C1orf21: variants seen among roughly 807,000 people sequenced by gnomAD.
C1orf21 encodes chromosome 1 open reading frame 21.
A neutral mutation model predicts 18.7 loss-of-function variants in C1orf21; 3 were observed. The ratio of observed to expected loss-of-function variants is 0.16; its 90% CI spans 0.07 to 0.42. The LOEUF (loss-of-function observed/expected upper bound fraction) is 0.42, where lower values mean the gene tolerates loss of function less well. C1orf21 is among the 10% of genes least tolerant of loss of function. The pLI is 0.99. For synonymous variants in C1orf21, 41 were observed against 46.4 expected, an observed-to-expected ratio of 0.88 and a Z score of 0.47; for missense variants, 104 against 143.6, an observed-to-expected ratio of 0.72 and a Z score of 1.41.
At position 184,570,343 on chromosome 1, in the gene C1orf21, ATATGTT is replaced by A. The variant is rs374321147; in HGVS notation, c.190-20387_190-20382del. Among the ~76,000 whole-genome samples the A allele has an allele frequency of 7.3e-3, 1,110 of 152,244 alleles. 18 individuals are homozygous for A. The highest frequency in any genetic ancestry group is 0.023 in the African/African-American group (944 of 41,526). ...TGTTAAATATGCTGAAATGTGTTAA[ATATGTT>A]TATGTTTAATTGTTAAATATGTTTA... is the stretch of plus-strand genomic sequence containing the variant. On this transcript the variant is annotated intron_variant, in intron 3 of 5. Transcript: ENST00000235307.
intron 2 of C1orf21, among the ~76,000 whole-genome samples, chr1:184,483,679 C>T (rs1657689538): frequency 6.6e-6 from 1 of 152,180 alleles, no homozygotes; most frequent in African/African-American, 2.4e-5. Context: ...CAGGAGGAAT[C>T]TCCTGTTAAC....
intron 1 of C1orf21, among the ~76,000 whole-genome samples, chr1:184,466,215 G>A (rs974142222): frequency 6.6e-6 from 1 of 152,200 alleles, no homozygotes; most frequent in Non-Finnish European, 1.5e-5. Flanking sequence ...CTGAAGAAGG[G>A]CATCAAGGTT....
At position 184,620,497 on chromosome 1, in the gene C1orf21, C is replaced by T. The variant is rs765952729; in HGVS notation, c.*941C>T. The stretch of plus-strand genomic sequence containing the variant: ...GAAAGTGGTCTAAGAGGTGAGGGGA[C>T]ATCCTATGACTTTTTAGGAAGGCCT... On this transcript the variant is annotated 3_prime_UTR_variant, in exon 6 of 6. Transcript: ENST00000235307. 2.6e-5 allele frequency: 4 copies of T among 152,552 alleles called. No homozygotes were observed. Among genetic ancestry groups the T allele is most frequent in the Non-Finnish European group, 4.4e-5 (3 of 68,032 alleles). 9.4% of individuals were successfully genotyped at this position (152,552 alleles called of 1,614,324 possible).
chr1:184,619,682 T>G lies in C1orf21; in HGVS notation c.*126T>G. ...ATAGCAAAAGAAGATCGTTCCATAT[T>G]GTACGCCCCATTAAATTACAGTGTT... is the stretch of plus-strand genomic sequence containing the variant. On this transcript the variant is annotated 3_prime_UTR_variant, in exon 6 of 6. Coordinates refer to ENST00000235307, the MANE Select transcript of C1orf21 (RefSeq NM_030806.4). 1 of 725,622 alleles carries G rather than the reference T, an allele frequency of 1.4e-6. No individual in the cohort carries two copies. Among genetic ancestry groups the G allele is most frequent in the Non-Finnish European group, 2.2e-6 (1 of 452,390 alleles). The allele number at this position is 725,622 out of a possible 1,614,324, so 44.9% of individuals were successfully genotyped here.
chr1:184,511,020 A>G (rs1223741471), intron 3 of C1orf21, among the ~76,000 whole-genome samples: 1 of 152,208 alleles, frequency 6.6e-6, no homozygotes, highest in Non-Finnish European at 1.5e-5. Flanking sequence ...CCAATGAATC[A>G]GGAGATGGTA....
chr1:184,474,278 C>A (rs1657538056), intron 1 of C1orf21, among the ~76,000 whole-genome samples: 1 of 152,074 alleles, frequency 6.6e-6, no homozygotes. Context: ...AGCTATAGTG[C>A]TTTAAAATAT....
chr1:184,611,967 C>G (rs931141909), intron 5 of C1orf21, among the ~76,000 whole-genome samples: 3 of 152,088 alleles, frequency 2.0e-5, no homozygotes, highest in Non-Finnish European at 4.4e-5. Context: ...TGTCATTTAT[C>G]ATGTAACCAA....
chr1:184,614,518 AC>A (rs1464610267), intron 5 of C1orf21, among the ~76,000 whole-genome samples: 1 of 115,256 alleles, frequency 8.7e-6, no homozygotes, highest in Non-Finnish European at 1.7e-5. Flanking sequence ...GCAGTCCCCA[AC>A]CTTTCTGGCA....
At chr1:184,498,989 A>T (rs915731245) in intron 2 of C1orf21, among the ~76,000 whole-genome samples, 5 of 152,194 alleles carry the variant, frequency 3.3e-5, no homozygotes, top group African/African-American at 1.2e-4. Flanking sequence ...GTTCCACTTC[A>T]TAAAGCTGTT....
At chr1:184,519,679 A>G (rs1658278605) in intron 3 of C1orf21, among the ~76,000 whole-genome samples, 1 of 152,218 alleles carries the variant, frequency 6.6e-6, no homozygotes, top group South Asian at 2.1e-4. Flanking sequence ...GCTAAAAATA[A>G]AACCACAGCA....
rs138969267 is a variant in C1orf21 at position 184,546,823 on chromosome 1, A to G, written c.189+39141A>G. Among the ~76,000 whole-genome samples the G allele has an allele frequency of 2.6e-3, 399 of 152,318 alleles. 1 individual carries two copies. Among genetic ancestry groups the G allele is most frequent in the Middle Eastern group, 0.014 (4 of 294 alleles). ...TTTTCCAGTTCACATAAAGGACTGG[A>G]AAAAGTGTCCAGCTGGACAAAGCCC... On this transcript the variant is annotated intron_variant, in intron 3 of 5. Coordinates refer to ENST00000235307, the MANE Select transcript of C1orf21 (RefSeq NM_030806.4).
chr1:184,453,368 G>A (rs975777293), intron 1 of C1orf21, among the ~76,000 whole-genome samples: 1 of 152,132 alleles, frequency 6.6e-6, no homozygotes, highest in Non-Finnish European at 1.5e-5. Flanking sequence ...TTCTGCTTTT[G>A]CTTTACAACT....
intron 2 of C1orf21, among the ~76,000 whole-genome samples, chr1:184,496,964 A>G (rs1657903081): frequency 6.6e-6 from 1 of 152,186 alleles, no homozygotes; most frequent in Non-Finnish European, 1.5e-5. Flanking sequence ...ATAGGTTACA[A>G]ATAGATGGAG....
intron 2 of C1orf21, among the ~76,000 whole-genome samples, chr1:184,505,426 C>A (rs1370070518): frequency 6.7e-6 from 1 of 148,320 alleles, no homozygotes; most frequent in Non-Finnish European, 1.5e-5. Context: ...TAATTAGAAA[C>A]TCACCATTAG....
Position 184,566,141 on chromosome 1 carries a change from T to C in C1orf21, c.190-24598T>C, listed in dbSNP as rs1448536343. The stretch of plus-strand genomic sequence containing the variant: ...CAAAGTAGGGAAGGGTACTTCCCGA[T>C]AGGAGTCGAGGTGCCCAGGCCAGCT... On this transcript the variant is annotated intron_variant, in intron 3 of 5. Transcript: ENST00000235307. Among the ~76,000 whole-genome samples the C allele has an allele frequency of 3.3e-5, 5 of 152,096 alleles. 1 individual carries two copies. Among genetic ancestry groups the C allele is most frequent in the African/African-American group, 9.7e-5 (4 of 41,424 alleles).
At chr1:184,525,946 T>C (rs935151516) in intron 3 of C1orf21, among the ~76,000 whole-genome samples, 3 of 152,178 alleles carry the variant, frequency 2.0e-5, no homozygotes, top group Non-Finnish European at 4.4e-5. Flanking sequence ...CAATATATAA[T>C]TTCAGGACTT....
intron 4 of C1orf21, among the ~76,000 whole-genome samples, chr1:184,596,885 A>AAAG (rs59562961): frequency 0.15 from 22,829 of 147,438 alleles, 2,051 homozygotes; most frequent in East Asian, 0.29. Flanking sequence ...AAAAAAAAAA[A>AAAG]AAAGAAAGAA....
At chr1:184,587,173 T>C (rs1659365786) in intron 3 of C1orf21, among the ~76,000 whole-genome samples, 1 of 152,112 alleles carries the variant, frequency 6.6e-6, no homozygotes, top group South Asian at 2.1e-4. Flanking sequence ...CCATGCTGTT[T>C]TGGTTGCTGT....
At chr1:184,579,052 T>A (rs1021354582) in intron 3 of C1orf21, among the ~76,000 whole-genome samples, 1 of 151,466 alleles carries the variant, frequency 6.6e-6, no homozygotes, top group Non-Finnish European at 1.5e-5. Flanking sequence ...AGTTCTTTTT[T>A]TTTTTGAGAC....
Sources: allele counts gnomAD v4.1 joint callset (sites outside exome capture counted in the v4.1 genomes callset), GRCh38; gene constraint gnomAD v4.1.1; transcripts MANE v1.5; gene names NCBI Gene and HGNC (gene_info 2026-07-23, HGNC 2026-07-21).